The following KCNJ6 variants were observed in gnomAD, a reference collection of about 807,000 sequenced individuals.
KCNJ6 encodes the protein G protein-activated inward rectifier potassium channel 2.
In KCNJ6, 9 loss-of-function variants were observed where a neutral mutation model predicts 34.2. That is an observed-to-expected ratio of 0.26 (90% CI 0.16 to 0.46). The LOEUF (loss-of-function observed/expected upper bound fraction) is 0.46. KCNJ6 is among the 20% of genes least tolerant of loss of function. KCNJ6 has a pLI of 1.00. For synonymous variants in KCNJ6, 196 were observed against 207.1 expected (o/e 0.95, Z 0.46); for missense variants, 236 against 531.3 (o/e 0.44, Z 5.46).
At chr21:37,779,642 A>C (rs1196886734) in intron 2 of KCNJ6, among the ~76,000 whole-genome samples, 1 of 152,180 alleles carries the variant, frequency 6.6e-6, no homozygotes, top group Non-Finnish European at 1.5e-5. Context: ...GAGTTCAAAA[A>C]TTGGCTGGTC....
intron 2 of KCNJ6, chr21:37,717,136 G>T (rs964672256): frequency 1.3e-5 from 2 of 154,400 alleles, no homozygotes; most frequent in Admixed American, 6.5e-5. Flanking sequence ...GGAAGAGACA[G>T]CATCTGTTCT....
intron 1 of KCNJ6, among the ~76,000 whole-genome samples, chr21:37,913,044 C>T (rs187966214): frequency 2.0e-5 from 3 of 152,176 alleles, no homozygotes; most frequent in Non-Finnish European, 4.4e-5. Flanking sequence ...TCAAAGTATA[C>T]CTTGTAACAC....
At chr21:37,690,983 A>G (rs1474686013) in intron 3 of KCNJ6, among the ~76,000 whole-genome samples, 1 of 152,052 alleles carries the variant, frequency 6.6e-6, no homozygotes, top group East Asian at 1.9e-4. Context: ...AGGTTTCACC[A>G]TCTTGGCCAG....
chr21:37,731,964 A>G (rs531515267), intron 2 of KCNJ6, among the ~76,000 whole-genome samples: 170 of 152,304 alleles, frequency 1.1e-3, no homozygotes, highest in African/African-American at 3.7e-3. Flanking sequence ...GGTGGTCAGG[A>G]TGGAAGTTCG....
intron 3 of KCNJ6, among the ~76,000 whole-genome samples, chr21:37,677,803 C>CCCACCCACCCACCCATCCAT (rs2054573371): frequency 3.7e-5 from 1 of 26,716 alleles, no homozygotes; most frequent in Non-Finnish European, 1.4e-4. Flanking sequence ...CACCTATCCA[C>CCCACCCACCCACCCATCCAT]CCACCCATCC....
chr21:37,841,059 G>T (rs2055478312), intron 1 of KCNJ6, among the ~76,000 whole-genome samples: 1 of 151,850 alleles, frequency 6.6e-6, no homozygotes, highest in African/African-American at 2.4e-5. Flanking sequence ...TCCCCCCATT[G>T]AAGCTTTCTT....
rs905760405 is a variant in KCNJ6, at chr21:37,770,083, G to A, written c.26-54952C>T. On this transcript the variant is annotated intron_variant, in intron 2 of 3. Coordinates refer to ENST00000609713, the MANE Select transcript of KCNJ6 (RefSeq NM_002240.5). ...AGGTGGATAAAAACAGAGACATTTC[G>A]GCAGATCCTTATGAAACTAGGGTTA... Among the ~76,000 whole-genome samples, 6 of 152,118 alleles carry A rather than the reference G, an allele frequency of 3.9e-5. No homozygotes were observed. The East Asian group carries it at 5.8e-4, about 15-fold the overall frequency.
At chr21:37,773,047 G>A (rs115271999) in intron 2 of KCNJ6, among the ~76,000 whole-genome samples, 2,024 of 152,256 alleles carry the variant, frequency 0.013, 43 homozygotes, top group African/African-American at 0.046. Context: ...AGCCATTCTC[G>A]GGCAGTTCCA....
At position 37,812,199 on chromosome 21, in the gene KCNJ6, G is replaced by A. The variant is rs550513388; in HGVS notation, c.25+28459C>T. 3.9e-5 allele frequency among the ~76,000 whole-genome samples: 6 copies of A among 152,264 alleles called. No individual in the cohort carries two copies. In the South Asian group the frequency reaches 1.2e-3, roughly 32 times the overall value. ...AAATCATAAGTCCTGTTACCCTAGTGTTTGGGGACTCCTCTTGGCTAAAAT... is the reference window on the plus strand; with the variant it reads ...AAATCATAAGTCCTGTTACCCTAGTATTTGGGGACTCCTCTTGGCTAAAAT... On this transcript the variant is annotated intron_variant, in intron 2 of 3. Coordinates refer to ENST00000609713, the MANE Select transcript of KCNJ6 (RefSeq NM_002240.5).
At chr21:37,861,435 T>C (rs768638683) in intron 1 of KCNJ6, among the ~76,000 whole-genome samples, 2 of 152,166 alleles carry the variant, frequency 1.3e-5, no homozygotes, top group Non-Finnish European at 2.9e-5. Flanking sequence ...AAGCCCACCC[T>C]AGTGACCTCA....
At chr21:37,881,086 A>G (rs2055705347) in intron 1 of KCNJ6, among the ~76,000 whole-genome samples, 1 of 152,186 alleles carries the variant, frequency 6.6e-6, no homozygotes, top group South Asian at 2.1e-4. Flanking sequence ...GGAGGCAGGC[A>G]GGCAACCTTC....
chr21:37,822,920 A>G (rs6517435), intron 2 of KCNJ6, among the ~76,000 whole-genome samples: 86,893 of 152,088 alleles, frequency 0.57, 25,400 homozygotes, highest in South Asian at 0.74. Flanking sequence ...TTCAGTCCTC[A>G]TTCCTTCATC....
intron 3 of KCNJ6, among the ~76,000 whole-genome samples, chr21:37,631,875 T>C (rs1418053979): frequency 1.3e-5 from 2 of 152,154 alleles, no homozygotes; most frequent in Non-Finnish European, 2.9e-5. Flanking sequence ...AGTGCAGCGG[T>C]GACACAGGTG....
intron 3 of KCNJ6, among the ~76,000 whole-genome samples, chr21:37,673,819 G>A (rs1306715366): frequency 2.6e-5 from 4 of 152,220 alleles, no homozygotes; most frequent in Non-Finnish European, 5.9e-5. Context: ...AGGCAAACCA[G>A]TGGAGGAAAG....
At chr21:37,667,178 A>AAAAAAAAAAAAAAAAAAT (rs2054518333) in intron 3 of KCNJ6, among the ~76,000 whole-genome samples, 1 of 84,432 alleles carries the variant, frequency 1.2e-5, no homozygotes, top group Non-Finnish European at 3.1e-5. Context: ...AAAAAAAAAA[A>AAAAAAAAAAAAAAAAAAT]AAAAAATTAA....
intron 2 of KCNJ6, among the ~76,000 whole-genome samples, chr21:37,724,737 G>C (rs768926245): frequency 7.9e-5 from 12 of 152,224 alleles, no homozygotes; most frequent in Non-Finnish European, 1.6e-4. Flanking sequence ...TGTGGGGCTA[G>C]AGCTGAGGGC....
At chr21:37,890,699 A>T (rs929747013) in intron 1 of KCNJ6, among the ~76,000 whole-genome samples, 1 of 152,218 alleles carries the variant, frequency 6.6e-6, no homozygotes, top group Non-Finnish European at 1.5e-5. Context: ...TCATGTACAA[A>T]GGAATAAAAC....
At chr21:37,813,325 T>C (rs2055331691) in intron 2 of KCNJ6, among the ~76,000 whole-genome samples, 5 of 152,196 alleles carry the variant, frequency 3.3e-5, no homozygotes, top group Non-Finnish European at 1.5e-5. Context: ...AAAATGTCGA[T>C]ACTACCCAAA....
At chr21:37,670,849 T>C (rs2054538084) in intron 3 of KCNJ6, among the ~76,000 whole-genome samples, 1 of 152,220 alleles carries the variant, frequency 6.6e-6, no homozygotes, top group Admixed American at 6.5e-5. Context: ...ATTTAGATAT[T>C]CTTTCATTTC....
Sources: allele counts gnomAD v4.1 joint callset (sites outside exome capture counted in the v4.1 genomes callset), GRCh38; gene constraint gnomAD v4.1.1; transcripts MANE v1.5; gene names NCBI Gene and HGNC (gene_info 2026-07-23, HGNC 2026-07-21).